PPP1R9A: variants seen among roughly 807,000 people sequenced by gnomAD.
The protein encoded by PPP1R9A is neurabin-1.
PPP1R9A carries 59 observed loss-of-function variants against 141.9 expected under a neutral mutation model. That is an observed-to-expected ratio of 0.42 (90% CI 0.34 to 0.52). The LOEUF is 0.52. Among genes scored for constraint, PPP1R9A ranks in the 20% least tolerant of loss-of-function variants. The pLI, the probability that PPP1R9A is intolerant of heterozygous loss-of-function variation, is 0.10. For synonymous variants in PPP1R9A, 500 were observed against 569.7 expected (o/e 0.88, Z 1.74); for missense variants, 1,444 against 1,611.9 (o/e 0.90, Z 1.78).
At chr7:95,015,159 T>C (rs895758241) in intron 2 of PPP1R9A, among the ~76,000 whole-genome samples, 10 of 151,922 alleles carry the variant, frequency 6.6e-5, no homozygotes, top group African/African-American at 2.4e-4. Context: ...TATAATGGAT[T>C]ATCATTGCTT....
At chr7:95,276,592 T>C (rs1321943570) in intron 16 of PPP1R9A, among the ~76,000 whole-genome samples, 1 of 152,212 alleles carries the variant, frequency 6.6e-6, no homozygotes, top group Non-Finnish European at 1.5e-5. Flanking sequence ...TTTGATCTTT[T>C]GTAGTTCCTA....
intron 4 of PPP1R9A, among the ~76,000 whole-genome samples, chr7:95,159,656 G>T (rs1049388107): frequency 6.6e-6 from 1 of 152,020 alleles, no homozygotes; most frequent in African/African-American, 2.4e-5. Context: ...GACCGTGGTG[G>T]CTCACACCTG....
intron 7 of PPP1R9A, among the ~76,000 whole-genome samples, chr7:95,211,031 A>G (rs1792002167): frequency 6.6e-6 from 1 of 152,028 alleles, no homozygotes; most frequent in South Asian, 2.1e-4. Flanking sequence ...TAGCATTAGG[A>G]GAAATACCTA....
At chr7:95,235,057 A>G (rs1273009583) in intron 8 of PPP1R9A, among the ~76,000 whole-genome samples, 2 of 152,218 alleles carry the variant, frequency 1.3e-5, no homozygotes, top group Non-Finnish European at 2.9e-5. Context: ...TGAAACCATA[A>G]AAATTCTAGA....
chr7:95,266,194 T>C (rs1446644933), intron 12 of PPP1R9A, among the ~76,000 whole-genome samples: 1 of 152,146 alleles, frequency 6.6e-6, no homozygotes, highest in East Asian at 1.9e-4. Flanking sequence ...AAAGGAACCA[T>C]GTTTACAAAA....
chr7:95,149,557 A>G (rs944406922), intron 4 of PPP1R9A, among the ~76,000 whole-genome samples: 25 of 152,026 alleles, frequency 1.6e-4, no homozygotes, highest in Admixed American at 1.6e-3. Flanking sequence ...TACAAAAGTC[A>G]TTCATTTTCC....
chr7:95,113,396 T>C (rs1031555963), intron 3 of PPP1R9A, among the ~76,000 whole-genome samples: 3 of 152,174 alleles, frequency 2.0e-5, no homozygotes, highest in African/African-American at 7.2e-5. Flanking sequence ...AGGCTTATAT[T>C]AGGAAGAACT....
chr7:94,935,441 A>G (rs1236162257), intron 2 of PPP1R9A, among the ~76,000 whole-genome samples: 1 of 152,202 alleles, frequency 6.6e-6, no homozygotes, highest in East Asian at 1.9e-4. Flanking sequence ...ACTTCATACC[A>G]TGCCCCCTTC....
intron 2 of PPP1R9A, among the ~76,000 whole-genome samples, chr7:95,012,104 TAGTC>T (rs961151399): frequency 6.6e-6 from 1 of 152,162 alleles, no homozygotes; most frequent in Admixed American, 6.5e-5. Flanking sequence ...CCCCTGGTAT[TAGTC>T]AGTTCTTGCA....
rs1279558703 is a variant in PPP1R9A at position 95,233,830 on chromosome 7, A to G, written c.2112+7714A>G. On this transcript the variant is annotated intron_variant, in intron 8 of 19. Coordinates refer to ENST00000433360, the MANE Select transcript of PPP1R9A (RefSeq NM_001166160.2). ...CAGTATATCAAAAAGATAACCTACC[A>G]TGATCAAGTGGATTTCATACCAGGG... 3.9e-5 allele frequency among the ~76,000 whole-genome samples: 6 copies of G among 152,352 alleles called. No individual in the cohort carries two copies. The East Asian group carries it at 9.6e-4, about 24-fold the overall frequency.
chr7:95,049,850 G>T (rs986902873), intron 2 of PPP1R9A, among the ~76,000 whole-genome samples: 1 of 152,094 alleles, frequency 6.6e-6, no homozygotes, highest in African/African-American at 2.4e-5. Context: ...TGGCTTGATA[G>T]ATCATTTCTT....
At chr7:95,086,387 A>G (rs914627983) in intron 2 of PPP1R9A, among the ~76,000 whole-genome samples, 4 of 152,162 alleles carry the variant, frequency 2.6e-5, no homozygotes, top group Admixed American at 1.3e-4. Context: ...TACCTAAAAA[A>G]GATTTGGGGT....
chr7:95,207,686 GTTATT>G (rs1791128351), intron 7 of PPP1R9A, among the ~76,000 whole-genome samples: 1 of 152,050 alleles, frequency 6.6e-6, no homozygotes, highest in Non-Finnish European at 1.5e-5. Context: ...AAATGAAACT[GTTATT>G]CACATATGAT....
intron 2 of PPP1R9A, among the ~76,000 whole-genome samples, chr7:95,023,653 A>C (rs1417111539): frequency 6.6e-6 from 1 of 151,980 alleles, no homozygotes; most frequent in Non-Finnish European, 1.5e-5. Flanking sequence ...TCCTGGTTTC[A>C]CGCCATTCTC....
rs999991315 is a variant in PPP1R9A at position 95,072,317 on chromosome 7, T to G, written c.1396-38942T>G. The stretch of plus-strand genomic sequence containing the variant: ...TAAAAATTAATAATATTGTATTATA[T>G]AATATATATTATATATAATAATATA... On this transcript the variant is annotated intron_variant, in intron 2 of 19. Coordinates refer to ENST00000433360, the MANE Select transcript of PPP1R9A (RefSeq NM_001166160.2). 2.8e-5 allele frequency among the ~76,000 whole-genome samples: 4 copies of G among 144,760 alleles called. No individual in the cohort carries two copies. The South Asian group carries it at 8.4e-4, about 31-fold the overall frequency. The allele number at this position is 144,760 out of a possible 152,430, so 95.0% of individuals were successfully genotyped here. A position where few individuals can be genotyped will look rare whatever the true frequency, so the allele number is the denominator to read the frequency against.
At chr7:95,211,012 G>T (rs192874593) in intron 7 of PPP1R9A, among the ~76,000 whole-genome samples, 41 of 152,120 alleles carry the variant, frequency 2.7e-4, no homozygotes, top group African/African-American at 9.6e-4. Context: ...TGGAGGGCTA[G>T]GGGAGGGATA....
intron 2 of PPP1R9A, among the ~76,000 whole-genome samples, chr7:95,028,309 GA>G (rs1198086017): frequency 6.6e-6 from 1 of 152,030 alleles, no homozygotes; most frequent in Non-Finnish European, 1.5e-5. Flanking sequence ...GCCCAAAGAT[GA>G]AAACTCAGCC....
intron 2 of PPP1R9A, among the ~76,000 whole-genome samples, chr7:95,017,757 G>T (rs978036953): frequency 6.6e-6 from 1 of 152,158 alleles, no homozygotes; most frequent in African/African-American, 2.4e-5. Context: ...AATTATACAC[G>T]ATAGAGAATC....
chr7:95,184,838 A>T (rs924088375), intron 5 of PPP1R9A, among the ~76,000 whole-genome samples: 1 of 152,108 alleles, frequency 6.6e-6, no homozygotes, highest in Admixed American at 6.6e-5. Flanking sequence ...TGCTGTATAT[A>T]TATGTACCAG....
Sources: gnomAD v4.1 joint callset for allele counts (sites outside exome capture counted in the v4.1 genomes callset) on GRCh38, gnomAD v4.1.1 for gene constraint, MANE v1.5 for transcripts, NCBI Gene and HGNC (gene_info 2026-07-23, HGNC 2026-07-21) for gene names.